VPS35L: variants seen among roughly 807,000 people sequenced by gnomAD.
VPS35L encodes the protein VPS35 endosomal protein-sorting factor-like.
VPS35L carries 83 observed loss-of-function variants against 133.0 expected under a neutral mutation model. The ratio of observed to expected loss-of-function variants is 0.62; its 90% confidence interval spans 0.52 to 0.75. The LOEUF (loss-of-function observed/expected upper bound fraction) is 0.75. Among genes scored for constraint, VPS35L ranks in the 30% least tolerant of loss-of-function variants. The pLI is 0.00. For missense variants in VPS35L, 1,083 were observed against 1,206.8 expected (o/e 0.90, Z 1.52); for synonymous variants, 423 against 449.9 (o/e 0.94, Z 0.76).
chr16:19,645,599 C>G lies in VPS35L; in HGVS notation c.1929+650C>G, dbSNP rs539845370. 4.6e-5 allele frequency among the ~76,000 whole-genome samples: 7 copies of G among 152,124 alleles called. No homozygotes were observed. In the East Asian group the frequency reaches 1.2e-3, roughly 25 times the overall value. On this transcript the variant is annotated intron_variant, in intron 23 of 30. Coordinates refer to ENST00000417362, the MANE Select transcript of VPS35L (RefSeq NM_020314.7). ...CCACTGCACCCAGCCCCCTGTCTGT[C>G]TTTAGCCCTGGGCTCTGCCCTGTTG...
At chr16:19,674,058 G>A (rs189060699) in intron 27 of VPS35L, among the ~76,000 whole-genome samples, 2 of 152,120 alleles carry the variant, frequency 1.3e-5, no homozygotes, top group East Asian at 1.9e-4. Flanking sequence ...AATAGCCAGG[G>A]CTAAGAGCTG....
intron 29 of VPS35L, among the ~76,000 whole-genome samples, chr16:19,698,565 G>A (rs900650797): frequency 1.3e-5 from 2 of 152,134 alleles, no homozygotes; most frequent in Admixed American, 1.3e-4. Context: ...TATCATGGGC[G>A]GTTAGGAGTG....
At chr16:19,569,691 CAG>C in intron 3 of VPS35L, 100 bp downstream of exon 3, 2 of 1,242,716 alleles carry the variant, frequency 1.6e-6, no homozygotes, top group African/African-American at 1.5e-5. Flanking sequence ...CCCTGAGAGA[CAG>C]AGTCTCACTC....
At chr16:19,641,846 G>A (rs754203732) in intron 21 of VPS35L, among the ~76,000 whole-genome samples, 1 of 152,164 alleles carries the variant, frequency 6.6e-6, no homozygotes, top group African/African-American at 2.4e-5. Context: ...GTTTAGGAAG[G>A]GGAACAGTTT....
At chr16:19,616,549 A>G in intron 13 of VPS35L, 137 bp from the exon 14 acceptor site, 1 of 1,210,564 alleles carries the variant, frequency 8.3e-7, no homozygotes. Context: ...AAAAAAAAAA[A>G]ACAACCGAGA....
intron 26 of VPS35L, among the ~76,000 whole-genome samples, chr16:19,663,065 T>G (rs1974538970): frequency 6.6e-6 from 1 of 151,910 alleles, no homozygotes; most frequent in South Asian, 2.1e-4. Flanking sequence ...ATCCCAGCAC[T>G]TTGGGAGGCA....
chr16:19,592,016 C>A lies in VPS35L; in HGVS notation c.724+142C>A, dbSNP rs145494731. 4.2e-3 allele frequency: 2,550 copies of A among 603,088 alleles called. 60 individuals carry two copies. The African/African-American group carries it at 0.043, about 10-fold the overall frequency. The allele number at this position is 603,088 out of a possible 1,614,324, so 37.4% of individuals were successfully genotyped here. On this transcript the variant is annotated intron_variant, in intron 8 of 30. Coordinates refer to ENST00000417362, the MANE Select transcript of VPS35L (RefSeq NM_020314.7). ...TGGGAGAGATCAAACCGTTCCCCCC[C>A]ACGCCCATTAATAAGGGCGCTATTT...
chr16:19,651,877 T>C (rs1974137563), intron 25 of VPS35L, 99 bp from the exon 26 acceptor site: 2 of 878,652 alleles, frequency 2.3e-6, no homozygotes, highest in African/African-American at 3.3e-5. Flanking sequence ...GATTCACTGT[T>C]GTAAGTTTCT....
In VPS35L at chr16:19,655,972, T is replaced by C. The variant is rs552108376; in HGVS notation, c.2221+3882T>C. Among the ~76,000 whole-genome samples, 10 of 152,190 alleles carry C rather than the reference T, an allele frequency of 6.6e-5. No individual in the cohort carries two copies. In the East Asian group the frequency reaches 1.7e-3, roughly 26 times the overall value. Reference sequence around the variant, plus strand: ...CAGTTTATAATCTAGAAAAGGTACGTGTTTTACGGGCTAGGCGTGGTGGCT... The same window carrying C: ...CAGTTTATAATCTAGAAAAGGTACGCGTTTTACGGGCTAGGCGTGGTGGCT... On this transcript the variant is annotated intron_variant, in intron 26 of 30. Transcript: ENST00000417362.
Position 19,591,893 on chromosome 16 carries a change from C to A in VPS35L, c.724+19C>A. 2.6e-6 allele frequency: 4 copies of A among 1,526,394 alleles called. No homozygotes were observed. The highest frequency in any genetic ancestry group is 3.6e-6 in the Non-Finnish European group (4 of 1,100,878). The allele number at this position is 1,526,394 out of a possible 1,614,324, so 94.6% of individuals were successfully genotyped here. A position where few individuals can be genotyped will look rare whatever the true frequency, so the allele number is the denominator to read the frequency against. On this transcript the variant is annotated intron_variant, in intron 8 of 30. Coordinates refer to ENST00000417362, the MANE Select transcript of VPS35L (RefSeq NM_020314.7). ...ACATTTGGTAAGTACCTGTCATATGCATCTTAGATCTAGGAAATGTGTTCG... is the reference window on the plus strand; with the variant it reads ...ACATTTGGTAAGTACCTGTCATATGAATCTTAGATCTAGGAAATGTGTTCG...
At chr16:19,611,768 C>T (rs1255831097) in intron 12 of VPS35L, 3 of 151,904 alleles carry the variant, frequency 2.0e-5, no homozygotes, top group Admixed American at 2.0e-4. Context: ...TGCTTGAAAC[C>T]TGGGGGGGAT....
intron 12 of VPS35L, among the ~76,000 whole-genome samples, chr16:19,615,621 C>T (rs1287261561): frequency 3.4e-5 from 5 of 149,128 alleles, no homozygotes; most frequent in Non-Finnish European, 7.4e-5. Context: ...CTGCACTCCA[C>T]CCTGGGCAAC....
chr16:19,627,535 T>C (rs1973305664), intron 15 of VPS35L, among the ~76,000 whole-genome samples, 159 bp from the exon 16 acceptor site: 1 of 152,246 alleles, frequency 6.6e-6, no homozygotes, highest in African/African-American at 2.4e-5. Context: ...GGACACTGTG[T>C]TAGTCTCTCC....
chr16:19,650,978 A>T (rs1974105574), intron 25 of VPS35L, among the ~76,000 whole-genome samples: 1 of 149,736 alleles, frequency 6.7e-6, no homozygotes. Context: ...TCCCAAGTTC[A>T]AGCGATTCTC....
At chr16:19,585,103 A>G (rs1366999301) in intron 7 of VPS35L, among the ~76,000 whole-genome samples, 1 of 152,162 alleles carries the variant, frequency 6.6e-6, no homozygotes, top group Non-Finnish European at 1.5e-5. Flanking sequence ...GCTGAATCGT[A>G]TTCTAATGTG....
At chr16:19,560,976 C>A (rs1971010663) in intron 1 of VPS35L, among the ~76,000 whole-genome samples, 1 of 151,488 alleles carries the variant, frequency 6.6e-6, no homozygotes, top group East Asian at 1.9e-4. Context: ...TAGGTGATTT[C>A]AATTGCAATC....
At chr16:19,557,966 GCTTGATCCCGGGAGAATCA>G (rs896739787) in intron 1 of VPS35L, among the ~76,000 whole-genome samples, 7 of 151,984 alleles carry the variant, frequency 4.6e-5, no homozygotes, top group Non-Finnish European at 7.4e-5. Flanking sequence ...TGGGAGAATC[GCTTGATCCCGGGAGAATCA>G]CTTGATCCCA....
chr16:19,675,472 T>G (rs1975033295), intron 27 of VPS35L, among the ~76,000 whole-genome samples: 1 of 152,142 alleles, frequency 6.6e-6, no homozygotes, highest in Non-Finnish European at 1.5e-5. Context: ...GATTTCAATT[T>G]GTTTGGATAT....
chr16:19,653,263 G>A (rs962008955), intron 26 of VPS35L, among the ~76,000 whole-genome samples: 6 of 152,194 alleles, frequency 3.9e-5, no homozygotes, highest in Admixed American at 1.3e-4. Flanking sequence ...CTACTGCAAC[G>A]GTGTACGCCA....
Sources: allele counts gnomAD v4.1 joint callset (sites outside exome capture counted in the v4.1 genomes callset), GRCh38; gene constraint gnomAD v4.1.1; transcripts MANE v1.5; gene names NCBI Gene and HGNC (gene_info 2026-07-23, HGNC 2026-07-21).